The following SNCB variants were observed in gnomAD, a reference collection of about 807,000 sequenced individuals.
SNCB encodes the protein synuclein beta, also known as beta-synuclein.
Under a neutral mutation model 20.0 loss-of-function variants are expected in SNCB, and 8 were observed. That is an observed-to-expected ratio of 0.40 (90% CI 0.24 to 0.72). The LOEUF (loss-of-function observed/expected upper bound fraction) is 0.72. Ranked by LOEUF, SNCB falls within the 30% of genes least tolerant of loss-of-function variation. The pLI, the probability that SNCB is intolerant of heterozygous loss-of-function variation, is 0.37. For missense variants in SNCB, 125 were observed against 168.0 expected (o/e 0.74, Z 1.41); for synonymous variants, 56 against 65.4 (o/e 0.86, Z 0.69).
chr5:176,620,774 A>G lies in SNCB; in HGVS notation c.*37T>C. 6.4e-7 allele frequency: 1 copy of G among 1,552,072 alleles called. No homozygotes were observed. Among genetic ancestry groups the G allele is most frequent in the South Asian group, 1.1e-5 (1 of 89,954 alleles). ...TCTGGGGGGCGGGGCAGGGACAGGG[A>G]CAGAATTGTGCTGCTGGTGGGGGCT... On this transcript the variant is annotated 3_prime_UTR_variant, in exon 6 of 6. Transcript: ENST00000393693. This position sits in a 1 kb window ranked among gnomAD's most constrained non-coding sequence, Gnocchi z 4.5.
chr5:176,626,628 C>T lies in SNCB; in HGVS notation c.163+92G>A, dbSNP rs773556818. The T allele has an allele frequency of 2.6e-6, 4 of 1,540,554 alleles. No homozygotes were observed. The highest frequency in any genetic ancestry group is 3.6e-6 in the Non-Finnish European group (4 of 1,113,416). On this transcript the variant is annotated intron_variant, in intron 3 of 5. Transcript: ENST00000393693. The surrounding 1 kb of genome is among the most constrained non-coding windows in gnomAD (Gnocchi z 4.2). ...TCCCCACGGAGCATTCCCGCAGAAGCCTTGGGAGTCTCCCCCGCCCCCGCC... is the reference window on the plus strand; with the variant it reads ...TCCCCACGGAGCATTCCCGCAGAAGTCTTGGGAGTCTCCCCCGCCCCCGCC...
In SNCB at chr5:176,621,346, GC is replaced by G; in HGVS notation, c.283-44del. On this transcript the variant is annotated intron_variant, in intron 4 of 5. Transcript: ENST00000393693. This position sits in a 1 kb window ranked among gnomAD's most constrained non-coding sequence, Gnocchi z 4.1. ...CAGGACTCGTGAGGACAGCCAGGATGCCCCCCAAATTCCCACAGTGGTAAGC... is the reference window on the plus strand; with the variant it reads ...CAGGACTCGTGAGGACAGCCAGGATGCCCCCAAATTCCCACAGTGGTAAGC... 2 of 1,539,598 alleles carry G rather than the reference GC, an allele frequency of 1.3e-6. No homozygotes were observed. Among genetic ancestry groups the G allele is most frequent in the South Asian group, 1.2e-5 (1 of 86,780 alleles).
rs759561109 is a variant in SNCB at position 176,626,569 on chromosome 5, G to A, written c.164-53C>T. 16 of 1,525,714 alleles carry A rather than the reference G, an allele frequency of 1.0e-5. No homozygotes were observed. The highest frequency in any genetic ancestry group is 3.4e-4 in the Middle Eastern group (2 of 5,936). 94.5% of individuals were successfully genotyped at this position (1,525,714 alleles called of 1,614,324 possible). On this transcript the variant is annotated intron_variant, in intron 3 of 5. Transcript: ENST00000393693. This position sits in a 1 kb window ranked among gnomAD's most constrained non-coding sequence, Gnocchi z 4.2. ...GGTTTGGGAGCCAGGGGGAAACACC[G>A]ATGCCCTGCCTTGTAGTATCCCAGG...
chr5:176,626,664 C>T lies in SNCB; in HGVS notation c.163+56G>A, dbSNP rs571594222. 5.4e-5 allele frequency: 87 copies of T among 1,602,498 alleles called. No individual in the cohort carries two copies. In the South Asian group the frequency reaches 6.6e-4, roughly 12 times the overall value. On this transcript the variant is annotated intron_variant, in intron 3 of 5. Coordinates refer to ENST00000393693, the MANE Select transcript of SNCB (RefSeq NM_003085.5). The surrounding 1 kb of genome is among the most constrained non-coding windows in gnomAD (Gnocchi z 4.2). ...TCCCCCGCCCCCGCCCTCTGGTTCC[C>T]GGCCAGATCATCCGCCTAAGTGAGA...
In SNCB at chr5:176,629,452, C is replaced by T; in HGVS notation, c.121+82G>A. 1.3e-6 allele frequency: 2 copies of T among 1,491,352 alleles called. No individual in the cohort carries two copies. Among genetic ancestry groups the T allele is most frequent in the South Asian group, 1.2e-5 (1 of 83,758 alleles). The allele number at this position is 1,491,352 out of a possible 1,614,324, so 92.4% of individuals were successfully genotyped here. A position where few individuals can be genotyped will look rare whatever the true frequency, so the allele number is the denominator to read the frequency against. ...ACTCATATTCTCCTGCCCAGAACCC[C>T]CCTCCCCGGGACCCGGCCCCAGCTC... On this transcript the variant is annotated intron_variant, in intron 2 of 5. Transcript: ENST00000393693. The surrounding 1 kb of genome is among the most constrained non-coding windows in gnomAD (Gnocchi z 4.1).
chr5:176,622,587 G>A (rs959770507), intron 4 of SNCB, among the ~76,000 whole-genome samples: 1 of 152,182 alleles, frequency 6.6e-6, no homozygotes, highest in East Asian at 1.9e-4. Flanking sequence ...ATGGATGTGT[G>A]CCTTGTGACC....
rs113812814 is a variant in SNCB at position 176,630,377 on chromosome 5, G to A, written c.-107C>T. 59,017 of 152,374 alleles carry A rather than the reference G, an allele frequency of 0.39. 12,953 individuals carry two copies. The highest frequency in any genetic ancestry group is 0.49 in the Non-Finnish European group (33,300 of 68,154). The allele number at this position is 152,374 out of a possible 1,614,324, so 9.4% of individuals were successfully genotyped here. A position where few individuals can be genotyped will look rare whatever the true frequency, so the allele number is the denominator to read the frequency against. On this transcript the variant is annotated 5_prime_UTR_variant, in exon 1 of 6. Coordinates refer to ENST00000393693, the MANE Select transcript of SNCB (RefSeq NM_003085.5). ...GCCGGGGTGGACCAGGGGCCGGAGGGGGGATAGGGCCGGGATCAGGCGCTC... is the reference window on the plus strand; with the variant it reads ...GCCGGGGTGGACCAGGGGCCGGAGGAGGGATAGGGCCGGGATCAGGCGCTC...
rs980632458 is a variant in SNCB, at chr5:176,629,781, GC to G, written c.-9-119del. Reference sequence around the variant, plus strand: ...ACCGCGGCGCCCTTCTGGACCCTGAGCCCCCTCCCGCTTTCCCCCCATCCCA... The same window carrying G: ...ACCGCGGCGCCCTTCTGGACCCTGAGCCCCTCCCGCTTTCCCCCCATCCCA... On this transcript the variant is annotated intron_variant, in intron 1 of 5. Transcript: ENST00000393693. The surrounding 1 kb of genome is among the most constrained non-coding windows in gnomAD (Gnocchi z 4.1). 2.9e-6 allele frequency: 4 copies of G among 1,361,296 alleles called. No homozygotes were observed. The African/African-American group carries it at 4.4e-5, about 15-fold the overall frequency. The allele number at this position is 1,361,296 out of a possible 1,614,324, so 84.3% of individuals were successfully genotyped here. A position where few individuals can be genotyped will look rare whatever the true frequency, so the allele number is the denominator to read the frequency against.
chr5:176,625,037 A>G (rs1292145736), intron 4 of SNCB, among the ~76,000 whole-genome samples: 1 of 152,188 alleles, frequency 6.6e-6, no homozygotes, highest in South Asian at 2.1e-4. Context: ...AGGAGCCCCC[A>G]TCCCCATGGA....
At chr5:176,628,973 G>A (rs1760151842) in intron 2 of SNCB, among the ~76,000 whole-genome samples, 1 of 152,140 alleles carries the variant, frequency 6.6e-6, no homozygotes, top group South Asian at 2.1e-4. Context: ...GATGCAGGTG[G>A]ACCTGGAACG....
intron 4 of SNCB, among the ~76,000 whole-genome samples, chr5:176,623,046 T>C (rs1384623628): frequency 6.6e-6 from 1 of 151,778 alleles, no homozygotes; most frequent in Non-Finnish European, 1.5e-5. Context: ...TGATAACATT[T>C]ACAAGAAGTC....
In SNCB at chr5:176,629,502, C is replaced by T. The variant is rs1182089035; in HGVS notation, c.121+32G>A. The T allele has an allele frequency of 1.9e-6, 3 of 1,609,632 alleles. No individual in the cohort carries two copies. The highest frequency in any genetic ancestry group is 2.5e-6 in the Non-Finnish European group (3 of 1,177,858). On this transcript the variant is annotated intron_variant, in intron 2 of 5. Coordinates refer to ENST00000393693, the MANE Select transcript of SNCB (RefSeq NM_003085.5). This position sits in a 1 kb window ranked among gnomAD's most constrained non-coding sequence, Gnocchi z 4.1. ...CCACACTGTCGGGGGACCCCCAGCC[C>T]TGCAGCCCCAGAAACCCCGCCCCTT...
chr5:176,628,786 G>A (rs538491709), intron 2 of SNCB, among the ~76,000 whole-genome samples: 9 of 152,340 alleles, frequency 5.9e-5, no homozygotes, highest in East Asian at 1.9e-4. Flanking sequence ...CCCAGCATCT[G>A]CAGGATGCCT....
chr5:176,630,238 A>G (rs1002134149), intron 1 of SNCB, 42 bp downstream of exon 1: 1 of 151,830 alleles, frequency 6.6e-6, no homozygotes, highest in Non-Finnish European at 1.5e-5. Context: ...TCCCCTCTCC[A>G]TCCTCATCCC....
Position 176,621,411 on chromosome 5 carries a change from G to A in SNCB, c.283-108C>T. On this transcript the variant is annotated intron_variant, in intron 4 of 5. Coordinates refer to ENST00000393693, the MANE Select transcript of SNCB (RefSeq NM_003085.5). This position sits in a 1 kb window ranked among gnomAD's most constrained non-coding sequence, Gnocchi z 4.1. The stretch of plus-strand genomic sequence containing the variant: ...GAGTGGGGAAGGCTAGGGTGGGTTG[G>A]CAGAGCAAGGATAATTTCTAATTCA... The A allele has an allele frequency of 1.2e-6, 1 of 827,404 alleles. No individual in the cohort carries two copies. The highest frequency in any genetic ancestry group is 2.1e-6 in the Non-Finnish European group (1 of 486,514). 51.3% of individuals were successfully genotyped at this position (827,404 alleles called of 1,614,324 possible).
rs528844154 is a variant in SNCB, at chr5:176,621,860, C to CA, written c.283-558dup. Among the ~76,000 whole-genome samples the CA allele has an allele frequency of 7.0e-4, 106 of 152,362 alleles. No individual in the cohort carries two copies. The highest frequency in any genetic ancestry group is 2.1e-3 in the African/African-American group (87 of 41,582). ...ATGTGTGAGCTAAGACTCTCCCCCC[C>CA]ACCCGCTGCGTCTGCTGCCCAGACA... On this transcript the variant is annotated intron_variant, in intron 4 of 5. Coordinates refer to ENST00000393693, the MANE Select transcript of SNCB (RefSeq NM_003085.5). The surrounding 1 kb of genome is among the most constrained non-coding windows in gnomAD (Gnocchi z 4.1).
rs368593985 is a variant in SNCB, at chr5:176,626,451, T to C, written c.229A>G (p.Ile77Val). The change falls in exon 4 of 6, where the codon ATC (isoleucine) becomes GTC (valine). Residue 77 changes from isoleucine to valine, a missense_variant. By Grantham distance (29) the Ile-to-Val change is conservative. Transcript: ENST00000393693. This position sits in a 1 kb window ranked among gnomAD's most constrained non-coding sequence, Gnocchi z 4.2. ...TTCACCAGTCCTGTGGCTGCTGCGA[T>C]GTTCCCTGCCCCAGAGAACACAGCT... ...GGAVFSGAGN[I>V]AAATGLVKRE... The C allele has an allele frequency of 2.5e-6, 4 of 1,613,946 alleles. No individual in the cohort carries two copies. The African/African-American group carries it at 5.3e-5, about 22-fold the overall frequency.
At chr5:176,625,110 A>G (rs763545305) in intron 4 of SNCB, among the ~76,000 whole-genome samples, 3 of 152,174 alleles carry the variant, frequency 2.0e-5, no homozygotes, top group Non-Finnish European at 4.4e-5. Context: ...CTGCACACAC[A>G]TGTCATGGGG....
chr5:176,625,545 T>C (rs943846907), intron 4 of SNCB, among the ~76,000 whole-genome samples: 24 of 152,272 alleles, frequency 1.6e-4, no homozygotes, highest in African/African-American at 5.8e-4. Context: ...CAGGAAGTAG[T>C]GGAGTTAGGA....
Sources: gnomAD v4.1 joint callset for allele counts (sites outside exome capture counted in the v4.1 genomes callset) on GRCh38, gnomAD v4.1.1 for gene constraint, Gnocchi (gnomAD v3.1) non-coding constraint, MANE v1.5 for transcripts, NCBI Gene and HGNC (gene_info 2026-07-23, HGNC 2026-07-21) for gene names.